AFF1: variants seen among roughly 807,000 people sequenced by gnomAD.
The protein encoded by AFF1 is ALF transcription elongation factor 1.
In AFF1, 48 loss-of-function variants were observed where a neutral mutation model predicts 121.7. The observed-to-expected ratio is 0.39, with a 90% confidence interval of 0.31 to 0.50. AFF1 has a LOEUF of 0.50. AFF1 is among the 20% of genes least tolerant of loss of function. AFF1 has a pLI of 0.76. For synonymous variants in AFF1, 613 were observed against 563.0 expected (o/e 1.09, Z -1.26); for missense variants, 1,523 against 1,511.7 (o/e 1.01, Z -0.12).
At chr4:86,980,947 A>ACCCCCCCCCC (rs57473395) in intron 2 of AFF1, among the ~76,000 whole-genome samples, 1 of 102,398 alleles carries the variant, frequency 9.8e-6, no homozygotes, top group Admixed American at 1.1e-4. Flanking sequence ...GGCTTGAGGC[A>ACCCCCCCCCC]CCCCCCCCCT....
rs1169950960 is a variant in AFF1 at position 87,112,915 on chromosome 4, ACTCT to A, written c.1534-1451_1534-1448del. Among the ~76,000 whole-genome samples, 6 of 152,326 alleles carry A rather than the reference ACTCT, an allele frequency of 3.9e-5. No individual in the cohort carries two copies. The East Asian group carries it at 1.2e-3, about 29-fold the overall frequency. On this transcript the variant is annotated intron_variant, in intron 11 of 20. Transcript: ENST00000395146. The stretch of plus-strand genomic sequence containing the variant: ...TTTAAAATAAATGTAACTATCACTC[ACTCT>A]GTTAGACACTAATATTTTTCTATAT...
At chr4:86,961,158 GA>G (rs1722113708) in intron 2 of AFF1, among the ~76,000 whole-genome samples, 2 of 152,142 alleles carry the variant, frequency 1.3e-5, no homozygotes, top group Admixed American at 6.6e-5. Flanking sequence ...CTGCCTTCAT[GA>G]GTACAGATAC....
chr4:87,022,706 A>G (rs1007409373), intron 2 of AFF1, among the ~76,000 whole-genome samples: 35 of 117,684 alleles, frequency 3.0e-4, no homozygotes, highest in Middle Eastern at 5.0e-3. Flanking sequence ...GTGTGTATAT[A>G]TATATCTGTG....
intron 2 of AFF1, chr4:87,007,431 C>A (rs772148114): frequency 2.5e-6 from 4 of 1,614,014 alleles, no homozygotes; most frequent in Non-Finnish European, 3.4e-6. Flanking sequence ...CAAGGTAAGC[C>A]GTGCACCGGA....
intron 2 of AFF1, among the ~76,000 whole-genome samples, chr4:86,960,555 T>A (rs1249731460): frequency 1.3e-5 from 2 of 152,196 alleles, no homozygotes; most frequent in East Asian, 3.9e-4. Flanking sequence ...TAGTATTTCT[T>A]TATATTTGTG....
chr4:87,102,191 T>C (rs1434570472), intron 8 of AFF1, among the ~76,000 whole-genome samples: 1 of 152,242 alleles, frequency 6.6e-6, no homozygotes, highest in African/African-American at 2.4e-5. Flanking sequence ...CCTGAGCGAT[T>C]TGGCTTCTTT....
intron 2 of AFF1, among the ~76,000 whole-genome samples, chr4:87,031,814 A>G (rs934985987): frequency 6.6e-6 from 1 of 152,216 alleles, no homozygotes; most frequent in Non-Finnish European, 1.5e-5. Context: ...AGAAATGGAA[A>G]CTTTACAGCC....
chr4:87,007,441 A>T, intron 2 of AFF1: 1 of 1,613,972 alleles, frequency 6.2e-7, no homozygotes, highest in Non-Finnish European at 8.5e-7. Flanking sequence ...CGTGCACCGG[A>T]GAAACTTTTC....
intron 4 of AFF1, among the ~76,000 whole-genome samples, chr4:87,049,102 G>A (rs898929643): frequency 6.9e-4 from 101 of 147,274 alleles, no homozygotes; most frequent in African/African-American, 2.4e-3. Context: ...AAAAGGGGGG[G>A]GGGGGACAAC....
intron 4 of AFF1, among the ~76,000 whole-genome samples, chr4:87,072,121 TG>T (rs1722126108): frequency 6.6e-6 from 1 of 152,130 alleles, no homozygotes; most frequent in Admixed American, 6.5e-5. Context: ...CCCAGCACTT[TG>T]GGAGGCCGAG....
chr4:86,965,286 C>T (rs182680554), intron 2 of AFF1, among the ~76,000 whole-genome samples: 26 of 152,344 alleles, frequency 1.7e-4, no homozygotes, highest in African/African-American at 5.8e-4. Context: ...AAATTCCTTG[C>T]ACAGGCAAGC....
chr4:86,998,122 AAAAAAC>A (rs1163231205), intron 2 of AFF1, among the ~76,000 whole-genome samples: 25 of 138,794 alleles, frequency 1.8e-4, no homozygotes, highest in African/African-American at 6.7e-4. Flanking sequence ...AAAAAAAAAA[AAAAAAC>A]AAGAAAACTG....
chr4:87,037,473 G>A (rs911628267), intron 2 of AFF1, among the ~76,000 whole-genome samples: 2 of 151,930 alleles, frequency 1.3e-5, no homozygotes, highest in East Asian at 1.9e-4. Context: ...CACCACACCC[G>A]GCCAATGTTT....
chr4:87,007,158 AAGTGC>A, intron 2 of AFF1: 1 of 1,323,944 alleles, frequency 7.6e-7, no homozygotes, highest in Non-Finnish European at 9.6e-7. Context: ...GGCTCGTCTG[AAGTGC>A]AGATCGCCGC....
intron 2 of AFF1, among the ~76,000 whole-genome samples, chr4:86,976,590 G>C (rs1434682419): frequency 6.6e-6 from 1 of 152,044 alleles, no homozygotes; most frequent in Non-Finnish European, 1.5e-5. Context: ...AGAAAGAAGG[G>C]AACAACAGAC....
chr4:86,951,882 G>T (rs1420176621), intron 2 of AFF1, among the ~76,000 whole-genome samples: 1 of 150,946 alleles, frequency 6.6e-6, no homozygotes, highest in Non-Finnish European at 1.5e-5. Context: ...CCAAAGTGCT[G>T]GGATTACAGG....
At chr4:87,012,763 C>T (rs1726907516) in intron 2 of AFF1, among the ~76,000 whole-genome samples, 1 of 152,098 alleles carries the variant, frequency 6.6e-6, no homozygotes, top group Non-Finnish European at 1.5e-5. Context: ...GGTGCTAATG[C>T]CCCAGGGAAC....
rs549510832 is a variant in AFF1 at position 87,081,152 on chromosome 4, A to ATTTTTTTTTTT, written c.1060-2951_1060-2941dup. ...TTGTAGTTTTTCTCTAATGAAATGA[A>ATTTTTTTTTTT]TTTTTTTTTTTTTTTTTTTTTTTTT... On this transcript the variant is annotated intron_variant, in intron 4 of 20. Transcript: ENST00000395146. Among the ~76,000 whole-genome samples, 32 of 89,718 alleles carry ATTTTTTTTTTT rather than the reference A, an allele frequency of 3.6e-4. 2 individuals are homozygous for ATTTTTTTTTTT. The highest frequency in any genetic ancestry group is 1.3e-3 in the African/African-American group (29 of 22,704). The allele number at this position is 89,718 out of a possible 152,430, so 58.9% of individuals were successfully genotyped here.
chr4:87,068,025 T>C (rs886238355), intron 4 of AFF1, among the ~76,000 whole-genome samples: 2 of 152,196 alleles, frequency 1.3e-5, no homozygotes, highest in Admixed American at 6.5e-5. Context: ...TGAGCTACTT[T>C]AATATTAACA....
Sources: gnomAD v4.1 joint callset for allele counts (sites outside exome capture counted in the v4.1 genomes callset) on GRCh38, gnomAD v4.1.1 for gene constraint, MANE v1.5 for transcripts, NCBI Gene and HGNC (gene_info 2026-07-23, HGNC 2026-07-21) for gene names.